The following GALK2 variants were observed in gnomAD, a reference collection of about 807,000 sequenced individuals.
GALK2 encodes galactokinase 2, also known as N-acetylgalactosamine kinase.
GALK2 carries 36 observed loss-of-function variants against 52.4 expected under a neutral mutation model. The observed-to-expected ratio is 0.69, with a 90% CI of 0.53 to 0.91. The LOEUF is 0.91. GALK2 is among the 40% of genes least tolerant of loss of function. The pLI is 0.00. For missense variants in GALK2, 579 were observed against 559.1 expected (o/e 1.04, Z -0.36); for synonymous variants, 176 against 199.1 (o/e 0.88, Z 0.98).
intron 1 of GALK2, among the ~76,000 whole-genome samples, chr15:49,191,639 A>G (rs780708448): frequency 1.3e-5 from 2 of 152,126 alleles, no homozygotes; most frequent in East Asian, 1.9e-4. Context: ...CCCATCACCA[A>G]TTCTGTTAAC....
chr15:49,209,394 T>C (rs2088612805), intron 2 of GALK2, among the ~76,000 whole-genome samples: 1 of 152,226 alleles, frequency 6.6e-6, no homozygotes, highest in African/African-American at 2.4e-5. Flanking sequence ...AAATTGGGTA[T>C]GCTTGTCTTG....
intron 9 of GALK2, chr15:49,327,369 A>T (rs1051561206): frequency 1.3e-5 from 2 of 152,218 alleles, no homozygotes; most frequent in Non-Finnish European, 2.9e-5. Context: ...CACCGACCCA[A>T]CCTGGAGTTT....
intron 5 of GALK2, among the ~76,000 whole-genome samples, chr15:49,265,662 G>A (rs1289826804): frequency 2.6e-5 from 4 of 152,232 alleles, no homozygotes; most frequent in East Asian, 1.9e-4. Context: ...CGTCTTCTGC[G>A]TCGCTCACGC....
rs142467432 is a variant in GALK2 at position 49,241,102 on chromosome 15, G to C, written c.504+1735G>C. Among the ~76,000 whole-genome samples the C allele has an allele frequency of 4.2e-3, 632 of 152,200 alleles. 4 individuals are homozygous for C. The highest frequency in any genetic ancestry group is 0.015 in the African/African-American group (603 of 41,544). On this transcript the variant is annotated intron_variant, in intron 5 of 9. Transcript: ENST00000560031. ...GCTGGTATGATTCATTGGAATAAGAGATATGGGGGAAAAATAGGTTTGAGT... is the reference window on the plus strand; with the variant it reads ...GCTGGTATGATTCATTGGAATAAGACATATGGGGGAAAAATAGGTTTGAGT...
In GALK2 at chr15:49,201,263, T is replaced by C. The variant is rs746885041; in HGVS notation, c.142+13T>C. 1.4e-6 allele frequency: 2 copies of C among 1,481,326 alleles called. No individual in the cohort carries two copies. Among genetic ancestry groups the C allele is most frequent in the Non-Finnish European group, 1.9e-6 (2 of 1,070,130 alleles). The allele number at this position is 1,481,326 out of a possible 1,614,324, so 91.8% of individuals were successfully genotyped here. ...GTCAACATAATAGGTATTTCAAAAG[T>C]TCCTTCTCTTAATTTTTTTCTTCAT... On this transcript the variant is annotated intron_variant, in intron 2 of 9. Transcript: ENST00000560031.
At chr15:49,244,956 A>C (rs1327514266) in intron 5 of GALK2, among the ~76,000 whole-genome samples, 3 of 144,336 alleles carry the variant, frequency 2.1e-5, no homozygotes, top group Non-Finnish European at 4.7e-5. Flanking sequence ...GCTCAGCTAG[A>C]TATACAAATC....
At chr15:49,189,493 T>C (rs1271997066) in intron 1 of GALK2, among the ~76,000 whole-genome samples, 2 of 152,174 alleles carry the variant, frequency 1.3e-5, no homozygotes, top group East Asian at 3.8e-4. Context: ...TTTTTTCCTA[T>C]ATATAAATAC....
intron 2 of GALK2, among the ~76,000 whole-genome samples, chr15:49,211,964 G>A (rs951510932): frequency 4.0e-5 from 6 of 151,766 alleles, no homozygotes; most frequent in African/African-American, 1.5e-4. Flanking sequence ...CTTTCTTCTT[G>A]GTTTTCTAAT....
At chr15:49,160,243 C>T (rs1325590298) in intron 1 of GALK2, among the ~76,000 whole-genome samples, 1 of 151,904 alleles carries the variant, frequency 6.6e-6, no homozygotes, top group Non-Finnish European at 1.5e-5. Context: ...CCACTGTACT[C>T]CAGCCTGGGC....
At chr15:49,354,885 G>T (rs2042859918) in intron 3 of GALK2, among the ~76,000 whole-genome samples, 1 of 152,030 alleles carries the variant, frequency 6.6e-6, no homozygotes, top group Non-Finnish European at 1.5e-5. Flanking sequence ...GCATGCAGCT[G>T]GAGATCTGAG....
chr15:49,198,838 TCTCCCTCC>T (rs59924796), intron 1 of GALK2: 16 of 88,214 alleles, frequency 1.8e-4, no homozygotes, highest in South Asian at 1.7e-3. Context: ...TCCCCTCCCC[TCTCCCTCC>T]CTCCCTCCCT....
At chr15:49,317,731 A>T (rs975842521) in intron 8 of GALK2, among the ~76,000 whole-genome samples, 1 of 152,314 alleles carries the variant, frequency 6.6e-6, no homozygotes, top group Middle Eastern at 3.4e-3. Context: ...ATGCAGCCAT[A>T]AAAAAGGATG....
chr15:49,229,193 T>C (rs572881575), intron 3 of GALK2, among the ~76,000 whole-genome samples: 1 of 152,332 alleles, frequency 6.6e-6, no homozygotes, highest in Admixed American at 6.5e-5. Context: ...TTCTTGGCAC[T>C]TGTAGTATTG....
chr15:49,348,950 AT>A lies in GALK2; in HGVS notation c.427-18538del, dbSNP rs1013373442. ...CTAACTCTCCAGAATGAGAATTCAT[AT>A]TTCCCCCCTTATTCTTCCGTTGAGT... On this transcript the variant is annotated intron_variant, in intron 3 of 3. Coordinates refer to the GALK2 transcript ENST00000558399. Among the ~76,000 whole-genome samples, 9 of 152,326 alleles carry A rather than the reference AT, an allele frequency of 5.9e-5. No individual in the cohort carries two copies. The East Asian group carries it at 1.7e-3, about 29-fold the overall frequency.
rs763630223 is a variant in GALK2, at chr15:49,283,659, A to G, written c.697A>G (p.Asn233Asp). 3 of 1,614,126 alleles carry G rather than the reference A, an allele frequency of 1.9e-6. No homozygotes were observed. Among genetic ancestry groups the G allele is most frequent in the Non-Finnish European group, 2.5e-6 (3 of 1,179,978 alleles). The change falls in exon 7 of 10, where the codon AAT (asparagine) becomes GAT (aspartate). Residue 233 changes from asparagine (N) to aspartate (D), a missense_variant. Coordinates refer to ENST00000560031, the MANE Select transcript of GALK2 (RefSeq NM_002044.4). ...GATTGCCAACAGTTGTGTGGAGATG[A>G]ATAAGGCAGCAACTTCCCATTTCAA... Reference protein sequence around the residue: ...FVIANSCVEMNKAATSHFNIR... With the variant: ...FVIANSCVEMDKAATSHFNIR...
chr15:49,310,735 T>TTTG (rs1054896089), intron 8 of GALK2, among the ~76,000 whole-genome samples: 35 of 152,242 alleles, frequency 2.3e-4, no homozygotes, highest in African/African-American at 6.3e-4. Context: ...AATTGGATTT[T>TTTG]TTGTTGTTGT....
In GALK2 at chr15:49,339,609, C is replaced by A. The variant is rs1039393181; in HGVS notation, c.426+19804C>A. ...GTCAGGATACCCAGGTGTCAGGGAC[C>A]CACTTGAGAAGGTAGGCTGTCCCTT... On this transcript the variant is annotated intron_variant, in intron 3 of 3. Transcript: ENST00000558399. 5.9e-5 allele frequency among the ~76,000 whole-genome samples: 9 copies of A among 152,266 alleles called. 1 individual carries two copies. Among genetic ancestry groups the A allele is most frequent in the African/African-American group, 2.2e-4 (9 of 41,558 alleles).
At chr15:49,265,620 C>T (rs968329736) in intron 5 of GALK2, among the ~76,000 whole-genome samples, 1 of 152,252 alleles carries the variant, frequency 6.6e-6, no homozygotes, top group Non-Finnish European at 1.5e-5. Flanking sequence ...GGAGATGAAC[C>T]CAGTACCTCA....
intron 1 of GALK2, among the ~76,000 whole-genome samples, chr15:49,180,411 C>G (rs2141216908): frequency 6.6e-6 from 1 of 152,266 alleles, no homozygotes; most frequent in East Asian, 1.9e-4. Context: ...TTTCAAATAT[C>G]ACCTTAATTT....
Sources: gnomAD v4.1 joint callset for allele counts (sites outside exome capture counted in the v4.1 genomes callset) on GRCh38, gnomAD v4.1.1 for gene constraint, MANE v1.5 for transcripts, NCBI Gene and HGNC (gene_info 2026-07-23, HGNC 2026-07-21) for gene names.